ANGPT1: variants seen among roughly 807,000 people sequenced by gnomAD.
The protein encoded by ANGPT1 is angiopoietin 1, also known as angiopoietin-1.
Under a neutral mutation model 62.2 loss-of-function variants are expected in ANGPT1, and 17 were observed. That is an observed-to-expected ratio of 0.27 (90% CI 0.19 to 0.41). The LOEUF (loss-of-function observed/expected upper bound fraction) is 0.41, where lower values mean the gene tolerates loss of function less well. Among genes scored for constraint, ANGPT1 ranks in the 10% least tolerant of loss-of-function variants. The pLI is 1.00. For synonymous variants in ANGPT1, 199 were observed against 198.9 expected (o/e 1.00, Z 0.00); for missense variants, 478 against 594.9 (o/e 0.80, Z 2.04).
intron 1 of ANGPT1, among the ~76,000 whole-genome samples, chr8:107,443,603 G>A (rs1026938920): frequency 4.0e-5 from 6 of 150,852 alleles, no homozygotes; most frequent in African/African-American, 1.2e-4. Flanking sequence ...GAGGCCAGGA[G>A]TTCAAGACCA....
chr8:107,333,321 C>A lies in ANGPT1; in HGVS notation c.575+2829G>T, dbSNP rs188500668. Among the ~76,000 whole-genome samples the A allele has an allele frequency of 5.5e-4, 84 of 152,024 alleles. 1 individual carries two copies. The East Asian group carries it at 0.014, about 25-fold the overall frequency. On this transcript the variant is annotated intron_variant, in intron 3 of 8. Transcript: ENST00000517746. ...AGGCATAGAAATTGATAGAAAAATACCCCAGAACCACATGTGAGATAATGC... is the reference window on the plus strand; with the variant it reads ...AGGCATAGAAATTGATAGAAAAATAACCCAGAACCACATGTGAGATAATGC...
At chr8:107,482,198 C>T (rs571213512) in intron 1 of ANGPT1, among the ~76,000 whole-genome samples, 2 of 152,272 alleles carry the variant, frequency 1.3e-5, no homozygotes, top group East Asian at 3.9e-4. Flanking sequence ...ATATTACCCT[C>T]CAAATTTAGT....
At chr8:107,379,130 T>A (rs1345367216) in intron 1 of ANGPT1, among the ~76,000 whole-genome samples, 1 of 152,054 alleles carries the variant, frequency 6.6e-6, no homozygotes, top group East Asian at 1.9e-4. Flanking sequence ...TGAGGGGAGA[T>A]ATATTTTTTC....
intron 1 of ANGPT1, among the ~76,000 whole-genome samples, chr8:107,407,896 G>A (rs1408958520): frequency 3.3e-5 from 5 of 152,088 alleles, no homozygotes; most frequent in Admixed American, 2.0e-4. Flanking sequence ...ATGAGGACTG[G>A]GGATTATCTG....
intron 1 of ANGPT1, among the ~76,000 whole-genome samples, chr8:107,482,016 G>A (rs1812701865): frequency 6.6e-6 from 1 of 152,160 alleles, no homozygotes; most frequent in African/African-American, 2.4e-5. Flanking sequence ...AGACTGCATT[G>A]ATAATGATTA....
intron 1 of ANGPT1, among the ~76,000 whole-genome samples, chr8:107,487,947 TA>T (rs749699572): frequency 1.3e-5 from 2 of 152,174 alleles, no homozygotes; most frequent in African/African-American, 2.4e-5. Flanking sequence ...TTGAAGTGAA[TA>T]GTATCCTTTA....
In ANGPT1 at chr8:107,336,552, C is replaced by T. The variant is rs7014343; in HGVS notation, c.454-281G>A. The T allele has an allele frequency of 3.5e-3, 821 of 235,258 alleles. 10 individuals are homozygous for T. Among genetic ancestry groups the T allele is most frequent in the African/African-American group, 0.019 (780 of 42,020 alleles). 14.6% of individuals were successfully genotyped at this position (235,258 alleles called of 1,614,324 possible). ...TGGTAGCGGGCGCCTGTAGTCCCAG[C>T]TACTCGGGAGGCTGACGCAGGAGAA... is the stretch of plus-strand genomic sequence containing the variant. On this transcript the variant is annotated intron_variant, in intron 2 of 8. Transcript: ENST00000517746.
chr8:107,334,002 G>GAAGA (rs1327485755), intron 3 of ANGPT1, among the ~76,000 whole-genome samples: 2 of 140,560 alleles, frequency 1.4e-5, no homozygotes, highest in Non-Finnish European at 3.2e-5. Flanking sequence ...GGGAGGGAAG[G>GAAGA]AAGGAAGGAA....
intron 2 of ANGPT1, among the ~76,000 whole-genome samples, chr8:107,346,521 T>C (rs1262808758): frequency 2.0e-5 from 3 of 152,206 alleles, no homozygotes; most frequent in Admixed American, 6.5e-5. Context: ...GAGATTGTCC[T>C]TTCTATCTGC....
At chr8:107,361,693 C>G (rs1252987438) in intron 1 of ANGPT1, among the ~76,000 whole-genome samples, 1 of 150,252 alleles carries the variant, frequency 6.7e-6, no homozygotes, top group Non-Finnish European at 1.5e-5. Flanking sequence ...GGGTAATAGA[C>G]AGTTCATGTT....
intron 5 of ANGPT1, among the ~76,000 whole-genome samples, chr8:107,296,230 A>G (rs1814412440): frequency 6.6e-6 from 1 of 152,122 alleles, no homozygotes; most frequent in Non-Finnish European, 1.5e-5. Context: ...TGAACACCTG[A>G]GAAGGACAGA....
chr8:107,486,225 A>G (rs1316981120), intron 1 of ANGPT1, among the ~76,000 whole-genome samples: 1 of 152,214 alleles, frequency 6.6e-6, no homozygotes, highest in East Asian at 1.9e-4. Context: ...AGGATTGACA[A>G]GAGGAGACAT....
At chr8:107,415,522 T>A (rs1810716948) in intron 1 of ANGPT1, among the ~76,000 whole-genome samples, 1 of 152,198 alleles carries the variant, frequency 6.6e-6, no homozygotes, top group Non-Finnish European at 1.5e-5. Flanking sequence ...AGGTTTACTT[T>A]ACCCATTAAA....
chr8:107,402,421 A>G (rs1199040238), intron 1 of ANGPT1, among the ~76,000 whole-genome samples: 1 of 152,182 alleles, frequency 6.6e-6, no homozygotes, highest in Admixed American at 6.6e-5. Context: ...CTTATTATTC[A>G]TTTCTTCACT....
chr8:107,287,644 A>C (rs1294058719), intron 6 of ANGPT1, among the ~76,000 whole-genome samples: 1 of 152,178 alleles, frequency 6.6e-6, no homozygotes, highest in Non-Finnish European at 1.5e-5. Flanking sequence ...CACATTAGTA[A>C]ACTGTCTTTT....
intron 8 of ANGPT1, among the ~76,000 whole-genome samples, chr8:107,259,399 G>C (rs1229557939): frequency 6.6e-6 from 1 of 152,040 alleles, no homozygotes; most frequent in Non-Finnish European, 1.5e-5. Flanking sequence ...TTAGCATCTG[G>C]AAAGTTCTAG....
intron 1 of ANGPT1, among the ~76,000 whole-genome samples, chr8:107,410,231 A>C (rs1310138316): frequency 1.3e-5 from 2 of 152,132 alleles, no homozygotes; most frequent in African/African-American, 4.8e-5. Flanking sequence ...CTTCAACTTC[A>C]AGGGTCTAAT....
chr8:107,368,193 A>T (rs1444340488), intron 1 of ANGPT1, among the ~76,000 whole-genome samples: 1 of 152,196 alleles, frequency 6.6e-6, no homozygotes, highest in Non-Finnish European at 1.5e-5. Context: ...TAGCAGGTAT[A>T]AAAACAATAT....
intron 1 of ANGPT1, among the ~76,000 whole-genome samples, chr8:107,434,646 G>T (rs1270790001): frequency 6.6e-6 from 1 of 151,980 alleles, no homozygotes; most frequent in East Asian, 1.9e-4. Flanking sequence ...CTAAGTTAAA[G>T]TATATAGGCT....
Sources: allele counts gnomAD v4.1 joint callset (sites outside exome capture counted in the v4.1 genomes callset), GRCh38; gene constraint gnomAD v4.1.1; transcripts MANE v1.5; gene names NCBI Gene and HGNC (gene_info 2026-07-23, HGNC 2026-07-21).